CAPN13: variants seen among roughly 807,000 people sequenced by gnomAD.
CAPN13 encodes the protein calpain-13.
CAPN13 carries 90 observed loss-of-function variants against 98.4 expected under a neutral mutation model. That is an observed-to-expected ratio of 0.92 (90% CI 0.77 to 1.09). The LOEUF is 1.09. CAPN13 is among the 50% of genes least tolerant of loss of function. The pLI is 0.00. For synonymous variants in CAPN13, 330 were observed against 305.5 expected, an observed-to-expected ratio of 1.08 and a Z score of -0.84; for missense variants, 887 against 841.3, an observed-to-expected ratio of 1.05 and a Z score of -0.67.
At chr2:30,752,891 T>A (rs1672247636) in intron 10 of CAPN13, among the ~76,000 whole-genome samples, 162 bp downstream of exon 10, 1 of 152,144 alleles carries the variant, frequency 6.6e-6, no homozygotes, top group African/African-American at 2.4e-5. Flanking sequence ...TCATTTTACT[T>A]AGAGGAGCAG....
At chr2:30,743,787 G>A in intron 12 of CAPN13, 1 of 680,456 alleles carries the variant, frequency 1.5e-6, no homozygotes, top group Non-Finnish European at 2.7e-6. Context: ...CACAATGGAT[G>A]CAAGGAAATA....
intron 7 of CAPN13, among the ~76,000 whole-genome samples, chr2:30,759,725 T>A (rs1055237179): frequency 6.6e-6 from 1 of 152,208 alleles, no homozygotes; most frequent in Non-Finnish European, 1.5e-5. Context: ...AGAATTCCAA[T>A]CCAGCCACGG....
At chr2:30,758,765 C>T (rs1325315045) in intron 7 of CAPN13, among the ~76,000 whole-genome samples, 1 of 89,914 alleles carries the variant, frequency 1.1e-5, no homozygotes, top group African/African-American at 4.6e-5. Context: ...CCTCTCTTTC[C>T]TTTCCTTCCT....
rs4021142 is a variant in CAPN13 at position 30,768,678 on chromosome 2, T to TTTCCTTCC, written c.524+1627_524+1634dup. On this transcript the variant is annotated intron_variant, in intron 5 of 22. Coordinates refer to ENST00000295055, the MANE Select transcript of CAPN13 (RefSeq NM_144575.3). ...TCATTTCATTTCATGAACTTTCTTT[T>TTTCCTTCC]TTCCTTCCTTCCTTCCTTCCTTCCT... Among the ~76,000 whole-genome samples the TTTCCTTCC allele has an allele frequency of 5.0e-3, 750 of 149,288 alleles. 10 individuals carry two copies. In the East Asian group the frequency reaches 0.066, roughly 13 times the overall value.
In CAPN13 at chr2:30,738,418, T is replaced by A; in HGVS notation, c.1576A>T (p.Asn526Tyr). 6.2e-7 allele frequency: 1 copy of A among 1,608,548 alleles called. No homozygotes were observed. The highest frequency in any genetic ancestry group is 8.5e-7 in the Non-Finnish European group (1 of 1,177,290). The change falls in exon 16 of 23, where the codon AAC (asparagine) becomes TAC (tyrosine). Residue 526 changes from asparagine to tyrosine, a missense_variant. Coordinates refer to ENST00000295055, the MANE Select transcript of CAPN13 (RefSeq NM_144575.3). ...CTCATACCTGTTAGAAGCTCCTGGT[T>A]GAGAAGGCCCTGAAGCTGGGTGGCA... ...IDATQLQGLL[N>Y]QELLTGPPGD... is the part of the protein sequence containing the mutation.
chr2:30,777,517 C>T (rs778343386), intron 3 of CAPN13, 50 bp downstream of exon 3: 1 of 1,490,738 alleles, frequency 6.7e-7, no homozygotes, highest in South Asian at 1.2e-5. Context: ...TAAGCACCAC[C>T]CTCCACCACT....
At chr2:30,763,014 A>G (rs2148019845) in intron 7 of CAPN13, 68 bp downstream of exon 7, 8 of 1,299,874 alleles carry the variant, frequency 6.2e-6, no homozygotes, top group Admixed American at 2.1e-5. Context: ...TCTGGCCCCT[A>G]TTGAGAGGAA....
At chr2:30,753,284 GTCC>G in intron 9 of CAPN13, 86 bp from the exon 10 acceptor site, 1 of 1,395,860 alleles carries the variant, frequency 7.2e-7, no homozygotes, top group Non-Finnish European at 1.0e-6. Context: ...CATAGCCACT[GTCC>G]TGCCCAGAGG....
At chr2:30,738,005 A>C (rs796986441) in intron 17 of CAPN13, 104 of 513,174 alleles carry the variant, frequency 2.0e-4, no homozygotes, top group Admixed American at 7.3e-4. Flanking sequence ...ACACACACAC[A>C]CCCCAGTACA....
intron 7 of CAPN13, among the ~76,000 whole-genome samples, chr2:30,762,568 G>A (rs185724419): frequency 2.0e-5 from 3 of 152,326 alleles, no homozygotes; most frequent in East Asian, 1.9e-4. Context: ...AGGGATCAGA[G>A]CAGCTGTCTT....
chr2:30,778,463 C>G (rs561869516), intron 2 of CAPN13, among the ~76,000 whole-genome samples: 1 of 152,330 alleles, frequency 6.6e-6, no homozygotes, highest in Non-Finnish European at 1.5e-5. Flanking sequence ...CCAGGATGAC[C>G]TCGGCCTCCT....
At position 30,754,224 on chromosome 2, in the gene CAPN13, A is replaced by T. The variant is rs1672322720; in HGVS notation, c.941+66T>A. The T allele has an allele frequency of 3.2e-6, 4 of 1,240,832 alleles. No individual in the cohort carries two copies. The East Asian group carries it at 1.1e-4, about 34-fold the overall frequency. 76.9% of individuals were successfully genotyped at this position (1,240,832 alleles called of 1,614,324 possible). ...CCACCTTCGTAAATGTTCAGGGAAAAGGGTAGGGATTGAAGACTTGGGCAA... is the reference window on the plus strand; with the variant it reads ...CCACCTTCGTAAATGTTCAGGGAAATGGGTAGGGATTGAAGACTTGGGCAA... On this transcript the variant is annotated intron_variant, in intron 9 of 22. Coordinates refer to ENST00000295055, the MANE Select transcript of CAPN13 (RefSeq NM_144575.3).
intron 22 of CAPN13, among the ~76,000 whole-genome samples, chr2:30,726,146 A>T (rs1185945642): frequency 6.6e-6 from 1 of 152,262 alleles, no homozygotes; most frequent in Non-Finnish European, 1.5e-5. Context: ...CAAACAAGAC[A>T]TACCCAGGCT....
At chr2:30,757,061 G>C (rs1282248521) in intron 8 of CAPN13, among the ~76,000 whole-genome samples, 1 of 152,198 alleles carries the variant, frequency 6.6e-6, no homozygotes, top group Non-Finnish European at 1.5e-5. Context: ...TCACTGTATT[G>C]ATTTCACTGT....
In CAPN13 at chr2:30,787,364, G is replaced by T; in HGVS notation, c.-32-7C>A. The stretch of plus-strand genomic sequence containing the variant: ...AGACTTCCGAGGTCCTTTCCTGTTG[G>T]TGAGAAAAAGGGATACCTTTGGGGT... On this transcript the variant is annotated splice_polypyrimidine_tract_variant and splice_region_variant and intron_variant, in intron 1 of 22. Transcript: ENST00000295055. 1.3e-6 allele frequency: 2 copies of T among 1,564,164 alleles called. No individual in the cohort carries two copies. Among genetic ancestry groups the T allele is most frequent in the Non-Finnish European group, 1.7e-6 (2 of 1,156,202 alleles).
At chr2:30,793,218 G>C (rs1520317) in intron 1 of CAPN13, among the ~76,000 whole-genome samples, 1 of 151,496 alleles carries the variant, frequency 6.6e-6, no homozygotes, top group Non-Finnish European at 1.5e-5. Context: ...GTATTTTGAT[G>C]GTAGGAAATC....
intron 11 of CAPN13, among the ~76,000 whole-genome samples, chr2:30,748,261 G>T (rs1199602838): frequency 1.3e-5 from 2 of 152,148 alleles, no homozygotes; most frequent in Non-Finnish European, 2.9e-5. Flanking sequence ...TCTGCCTTTA[G>T]CCTTTTCTTC....
chr2:30,794,437 C>G (rs1674753445), intron 1 of CAPN13, among the ~76,000 whole-genome samples: 1 of 151,860 alleles, frequency 6.6e-6, no homozygotes, highest in Admixed American at 6.6e-5. Flanking sequence ...AACTTTCATA[C>G]ACTCTCAGTA....
Position 30,759,064 on chromosome 2 carries a change from C to CCT in CAPN13, c.775-928_775-927insAG, listed in dbSNP as rs1672669580. Among the ~76,000 whole-genome samples, 4 of 11,218 alleles carry CCT rather than the reference C, an allele frequency of 3.6e-4. No individual in the cohort carries two copies. In the East Asian group the frequency reaches 8.7e-3, roughly 24 times the overall value. The allele number at this position is 11,218 out of a possible 152,430, so 7.4% of individuals were successfully genotyped here. ...CCTCCTTCCTTCCTTCCCTCCCTCCCTCCCTCCTCCCTCCCTTCCTCTCTG... is the reference window on the plus strand; with the variant it reads ...CCTCCTTCCTTCCTTCCCTCCCTCCCCTTCCCTCCTCCCTCCCTTCCTCTCTG... On this transcript the variant is annotated intron_variant, in intron 7 of 22. Coordinates refer to ENST00000295055, the MANE Select transcript of CAPN13 (RefSeq NM_144575.3).
Sources: gnomAD v4.1 joint callset for allele counts (sites outside exome capture counted in the v4.1 genomes callset) on GRCh38, gnomAD v4.1.1 for gene constraint, MANE v1.5 for transcripts, NCBI Gene and HGNC (gene_info 2026-07-23, HGNC 2026-07-21) for gene names.